SLC13A1: variants seen among roughly 807,000 people sequenced by gnomAD.
The protein encoded by SLC13A1 is Na(+)/sulfate cotransporter.
In SLC13A1, 65 loss-of-function variants were observed where a neutral mutation model predicts 70.0. The observed-to-expected ratio is 0.93, with a 90% confidence interval of 0.76 to 1.14. The LOEUF (loss-of-function observed/expected upper bound fraction) is 1.14, where lower values mean the gene tolerates loss of function less well. Ranked by LOEUF, SLC13A1 falls within the 50% of genes most tolerant of loss-of-function variation. The probability of loss-of-function intolerance (pLI) is 0.00; values close to 1 mark genes in which losing one functional copy is unlikely to be tolerated. For missense variants in SLC13A1, 726 were observed against 717.8 expected (o/e 1.01, Z -0.13); for synonymous variants, 275 against 250.5 (o/e 1.10, Z -0.92).
At chr7:123,159,207 G>T (rs1315823415) in intron 6 of SLC13A1, among the ~76,000 whole-genome samples, 1 of 152,114 alleles carries the variant, frequency 6.6e-6, no homozygotes, top group African/African-American at 2.4e-5. Flanking sequence ...TATATATTAA[G>T]TAGACATGAT....
chr7:123,126,825 T>C (rs1793578262), intron 10 of SLC13A1, among the ~76,000 whole-genome samples: 1 of 152,074 alleles, frequency 6.6e-6, no homozygotes, highest in Non-Finnish European at 1.5e-5. Context: ...TTTTGGCAAA[T>C]TGGGCCAGGC....
At chr7:123,148,670 TC>T in intron 6 of SLC13A1, 1 of 299,138 alleles carries the variant, frequency 3.3e-6, no homozygotes, top group Non-Finnish European at 6.6e-6. Flanking sequence ...TAGCTTCATT[TC>T]AGTAGTTAAA....
chr7:123,155,810 G>A (rs1794691010), intron 6 of SLC13A1, among the ~76,000 whole-genome samples: 2 of 152,070 alleles, frequency 1.3e-5, no homozygotes, highest in Admixed American at 1.3e-4. Flanking sequence ...ACACCCGAAA[G>A]GCATAGACTT....
At chr7:123,173,605 G>T (rs562365975) in intron 2 of SLC13A1, among the ~76,000 whole-genome samples, 1 of 152,088 alleles carries the variant, frequency 6.6e-6, no homozygotes, top group South Asian at 2.1e-4. Context: ...GCCGTGTTTG[G>T]TTTTTTCGTA....
intron 7 of SLC13A1, among the ~76,000 whole-genome samples, chr7:123,146,445 G>A (rs1794353028): frequency 6.6e-6 from 1 of 152,100 alleles, no homozygotes. Context: ...CAATCACTTG[G>A]CAAAAGTTGC....
At chr7:123,181,900 A>G (rs1795654429) in intron 1 of SLC13A1, among the ~76,000 whole-genome samples, 1 of 152,138 alleles carries the variant, frequency 6.6e-6, no homozygotes, top group South Asian at 2.1e-4. Flanking sequence ...AAAAATTTAC[A>G]AAAACTGCTG....
intron 7 of SLC13A1, among the ~76,000 whole-genome samples, chr7:123,145,828 T>C (rs902558897): frequency 1.3e-5 from 2 of 152,198 alleles, no homozygotes; most frequent in Admixed American, 1.3e-4. Flanking sequence ...AGAATGGAGA[T>C]TGACATTCTT....
Position 123,115,412 on chromosome 7 carries a change from A to G in SLC13A1, c.*106T>C. ...TCACAGGAATTGCAGCAGCTACACC[A>G]TAACTGATTTAAATGTGTGTCATTA... On this transcript the variant is annotated 3_prime_UTR_variant, in exon 15 of 15. Coordinates refer to ENST00000194130, the MANE Select transcript of SLC13A1 (RefSeq NM_022444.4). 1.7e-6 allele frequency: 2 copies of G among 1,186,232 alleles called. No homozygotes were observed. Among genetic ancestry groups the G allele is most frequent in the Non-Finnish European group, 1.2e-6 (1 of 829,472 alleles). 73.5% of individuals were successfully genotyped at this position (1,186,232 alleles called of 1,614,324 possible). A position where few individuals can be genotyped will look rare whatever the true frequency, so the allele number is the denominator to read the frequency against.
Position 123,183,846 on chromosome 7 carries a change from C to A in SLC13A1, c.100-2745G>T, listed in dbSNP as rs1480119779. 2.0e-5 allele frequency among the ~76,000 whole-genome samples: 3 copies of A among 152,152 alleles called. No individual in the cohort carries two copies. The East Asian group carries it at 5.8e-4, about 29-fold the overall frequency. ...TAGTTTCCTTTTGCCTAAGCTGAAT[C>A]CCTGGATTCATAACCCATTTGTAAA... On this transcript the variant is annotated intron_variant, in intron 1 of 14. Transcript: ENST00000194130.
At chr7:123,179,450 T>C (rs535392814) in intron 2 of SLC13A1, among the ~76,000 whole-genome samples, 5 of 152,274 alleles carry the variant, frequency 3.3e-5, no homozygotes, top group African/African-American at 1.2e-4. Flanking sequence ...GAATTCCCTT[T>C]CAAGTCTAAG....
At chr7:123,181,135 T>G in intron 1 of SLC13A1, 34 bp from the exon 2 acceptor site, 2 of 1,601,284 alleles carry the variant, frequency 1.2e-6, no homozygotes, top group Non-Finnish European at 1.7e-6. Flanking sequence ...AAAGGTGATA[T>G]TATGAGGCTG....
chr7:123,152,959 CAGAA>C (rs1216225531), intron 6 of SLC13A1, among the ~76,000 whole-genome samples: 5 of 151,856 alleles, frequency 3.3e-5, no homozygotes, highest in South Asian at 4.2e-4. Flanking sequence ...AAACACAAAC[CAGAA>C]AGTGATGCAT....
intron 2 of SLC13A1, among the ~76,000 whole-genome samples, chr7:123,175,508 T>C (rs1795417232): frequency 6.6e-6 from 1 of 152,090 alleles, no homozygotes; most frequent in Non-Finnish European, 1.5e-5. Flanking sequence ...CACTCCAACC[T>C]CTTGAATGGA....
At chr7:123,149,509 A>G (rs1351111485) in intron 6 of SLC13A1, 2 of 456,410 alleles carry the variant, frequency 4.4e-6, no homozygotes, top group Non-Finnish European at 8.8e-6. Context: ...GGGTTGGGGC[A>G]CTGGGGAAAT....
chr7:123,165,994 T>C (rs958073037), intron 6 of SLC13A1, among the ~76,000 whole-genome samples: 5 of 152,002 alleles, frequency 3.3e-5, no homozygotes, highest in Non-Finnish European at 7.4e-5. Flanking sequence ...CTCTTCTGCT[T>C]GCACATGCTC....
At position 123,149,494 on chromosome 7, in the gene SLC13A1, G is replaced by T. The variant is rs532276314; in HGVS notation, c.661-2184C>A. 31 of 456,480 alleles carry T rather than the reference G, an allele frequency of 6.8e-5. 1 individual carries two copies. The highest frequency in any genetic ancestry group is 2.0e-4 in the South Asian group (13 of 64,552). 28.3% of individuals were successfully genotyped at this position (456,480 alleles called of 1,614,324 possible). On this transcript the variant is annotated intron_variant, in intron 6 of 14. Transcript: ENST00000194130. The stretch of plus-strand genomic sequence containing the variant: ...TCTTTCGACTGTGATGGTACAAGTG[G>T]CAGGGGGTTGGGGCACTGGGGAAAT...
intron 1 of SLC13A1, among the ~76,000 whole-genome samples, chr7:123,187,488 C>T (rs1188111931): frequency 6.6e-6 from 1 of 152,096 alleles, no homozygotes; most frequent in Non-Finnish European, 1.5e-5. Context: ...ATAAAACATT[C>T]CATATTCTGT....
At chr7:123,130,919 G>A (rs1182211174) in intron 8 of SLC13A1, among the ~76,000 whole-genome samples, 1 of 152,004 alleles carries the variant, frequency 6.6e-6, no homozygotes, top group Non-Finnish European at 1.5e-5. Context: ...CTTCGAAACT[G>A]AACAGTTTTT....
chr7:123,156,355 G>A (rs951640389), intron 6 of SLC13A1, among the ~76,000 whole-genome samples: 1 of 152,024 alleles, frequency 6.6e-6, no homozygotes, highest in Admixed American at 6.6e-5. Flanking sequence ...CCATCTTAAT[G>A]GAAGATGCAA....
Sources: allele counts gnomAD v4.1 joint callset (sites outside exome capture counted in the v4.1 genomes callset), GRCh38; gene constraint gnomAD v4.1.1; transcripts MANE v1.5; gene names NCBI Gene and HGNC (gene_info 2026-07-23, HGNC 2026-07-21).